MGAT4A: variants seen among roughly 807,000 people sequenced by gnomAD.
The protein encoded by MGAT4A is N-acetylglucosaminyltransferase IVa.
A neutral mutation model predicts 74.1 loss-of-function variants in MGAT4A; 33 were observed. The observed-to-expected ratio is 0.45, with a 90% confidence interval of 0.34 to 0.60. MGAT4A has a LOEUF of 0.60. Ranked by LOEUF, MGAT4A falls within the 20% of genes least tolerant of loss-of-function variation. The pLI is 0.02. For synonymous variants in MGAT4A, 198 were observed against 210.4 expected, an observed-to-expected ratio of 0.94 and a Z score of 0.51; for missense variants, 479 against 628.3, an observed-to-expected ratio of 0.76 and a Z score of 2.54.
chr2:98,727,277 A>C (rs1029972356), intron 1 of MGAT4A, among the ~76,000 whole-genome samples: 4 of 152,208 alleles, frequency 2.6e-5, no homozygotes, highest in African/African-American at 9.7e-5. Context: ...TGTACACCTT[A>C]GGCTCTATCA....
chr2:98,654,666 A>T (rs1701633433), intron 8 of MGAT4A, among the ~76,000 whole-genome samples: 1 of 152,190 alleles, frequency 6.6e-6, no homozygotes, highest in Non-Finnish European at 1.5e-5. Flanking sequence ...ATAAATGGAA[A>T]GACATCTTGT....
intron 10 of MGAT4A, among the ~76,000 whole-genome samples, chr2:98,641,839 A>G (rs1701415908): frequency 6.6e-6 from 1 of 151,508 alleles, no homozygotes; most frequent in South Asian, 2.1e-4. Flanking sequence ...CTAAAAATAT[A>G]AAAATTTGCC....
chr2:98,658,490 C>T (rs1701693466), intron 5 of MGAT4A, among the ~76,000 whole-genome samples: 1 of 152,142 alleles, frequency 6.6e-6, no homozygotes, highest in Non-Finnish European at 1.5e-5. Context: ...TTTTAATTGT[C>T]TGTGTTGCAT....
chr2:98,698,460 C>G (rs1224457228), intron 2 of MGAT4A, among the ~76,000 whole-genome samples: 3 of 152,134 alleles, frequency 2.0e-5, no homozygotes. Context: ...GCTCTGAAAT[C>G]TCCTCACATT....
intron 2 of MGAT4A, among the ~76,000 whole-genome samples, chr2:98,696,950 C>G (rs753880881): frequency 9.2e-5 from 14 of 152,056 alleles, no homozygotes; most frequent in Admixed American, 3.3e-4. Context: ...CATTGTGATC[C>G]ACTTTTTTAG....
chr2:98,629,238 T>C (rs991366039), intron 14 of MGAT4A, among the ~76,000 whole-genome samples: 1 of 152,210 alleles, frequency 6.6e-6, no homozygotes, highest in Non-Finnish European at 1.5e-5. Flanking sequence ...GTTAATAGAT[T>C]AATAATAAAA....
intron 9 of MGAT4A, among the ~76,000 whole-genome samples, chr2:98,644,796 G>A (rs879306808): frequency 5.9e-5 from 9 of 152,058 alleles, no homozygotes; most frequent in Non-Finnish European, 1.2e-4. Flanking sequence ...ACCATGCCAG[G>A]CTAATTTTTG....
intron 8 of MGAT4A, among the ~76,000 whole-genome samples, chr2:98,652,293 C>G (rs571399707): frequency 5.3e-5 from 8 of 151,730 alleles, no homozygotes; most frequent in Non-Finnish European, 1.0e-4. Context: ...TTCTCCAAGA[C>G]AGACCACATG....
At position 98,621,642 on chromosome 2, in the gene MGAT4A, G is replaced by A. The variant is rs1162603998; in HGVS notation, c.*3924C>T. The A allele has an allele frequency of 6.8e-7, 1 of 1,464,400 alleles. No individual in the cohort carries two copies. Among genetic ancestry groups the A allele is most frequent in the Non-Finnish European group, 9.0e-7 (1 of 1,105,558 alleles). The allele number at this position is 1,464,400 out of a possible 1,614,324, so 90.7% of individuals were successfully genotyped here. On this transcript the variant is annotated 3_prime_UTR_variant, in exon 16 of 16. Transcript: ENST00000393487. ...GGATATTATACAAGGTCATTGGTGG[G>A]GGTGTCAGTAGGGGTCATTCTTAGA... is the stretch of plus-strand genomic sequence containing the variant.
At chr2:98,721,186 A>G (rs1054429117) in intron 2 of MGAT4A, among the ~76,000 whole-genome samples, 2 of 152,260 alleles carry the variant, frequency 1.3e-5, no homozygotes, top group Non-Finnish European at 2.9e-5. Context: ...CTATGTCCAG[A>G]AAAGCTATCT....
At chr2:98,711,593 T>C (rs565430203) in intron 2 of MGAT4A, among the ~76,000 whole-genome samples, 6 of 152,280 alleles carry the variant, frequency 3.9e-5, no homozygotes, top group Non-Finnish European at 8.8e-5. Flanking sequence ...GTTTTTATAT[T>C]GATTGAGGTG....
At chr2:98,683,853 T>C (rs1702095485) in intron 2 of MGAT4A, among the ~76,000 whole-genome samples, 1 of 152,302 alleles carries the variant, frequency 6.6e-6, no homozygotes, top group Admixed American at 6.5e-5. Flanking sequence ...TGGGGGCCCA[T>C]GGACTATTGG....
intron 2 of MGAT4A, among the ~76,000 whole-genome samples, chr2:98,714,187 A>C (rs963155782): frequency 6.6e-6 from 1 of 152,128 alleles, no homozygotes; most frequent in Non-Finnish European, 1.5e-5. Context: ...TCCCGGGTTC[A>C]AGCTATTCCT....
chr2:98,672,649 A>G (rs555298384), intron 4 of MGAT4A, among the ~76,000 whole-genome samples: 1 of 152,248 alleles, frequency 6.6e-6, no homozygotes, highest in Non-Finnish European at 1.5e-5. Context: ...CTACCAGATG[A>G]ACATTAAAAC....
chr2:98,668,300 G>A (rs1248683768), intron 4 of MGAT4A, among the ~76,000 whole-genome samples: 1 of 152,196 alleles, frequency 6.6e-6, no homozygotes, highest in Non-Finnish European at 1.5e-5. Context: ...GCAGTCTAGG[G>A]ACTTGGTGAC....
intron 5 of MGAT4A, among the ~76,000 whole-genome samples, chr2:98,660,406 A>ACGCACG: frequency 7.4e-6 from 1 of 134,906 alleles, no homozygotes. Flanking sequence ...ACACACACAC[A>ACGCACG]CACACGCACG....
At chr2:98,710,648 TG>T in intron 2 of MGAT4A, among the ~76,000 whole-genome samples, 1 of 152,138 alleles carries the variant, frequency 6.6e-6, no homozygotes, top group East Asian at 1.9e-4. Flanking sequence ...TTAGTACAGA[TG>T]GGGGGCGGGG....
At chr2:98,659,025 AACAG>A (rs1320625921) in intron 5 of MGAT4A, among the ~76,000 whole-genome samples, 1 of 152,194 alleles carries the variant, frequency 6.6e-6, no homozygotes, top group African/African-American at 2.4e-5. Flanking sequence ...GCATGTTTTA[AACAG>A]ACATTTTCAA....
At chr2:98,627,395 A>G (rs1243774076) in intron 14 of MGAT4A, among the ~76,000 whole-genome samples, 1 of 151,450 alleles carries the variant, frequency 6.6e-6, no homozygotes, top group East Asian at 1.9e-4. Flanking sequence ...TTTTTCTTTG[A>G]GATAGAGTCT....
Sources: gnomAD v4.1 joint callset for allele counts (sites outside exome capture counted in the v4.1 genomes callset) on GRCh38, gnomAD v4.1.1 for gene constraint, MANE v1.5 for transcripts, NCBI Gene and HGNC (gene_info 2026-07-23, HGNC 2026-07-21) for gene names.